The following SLC39A14 variants were observed in gnomAD, a reference collection of about 807,000 sequenced individuals.
SLC39A14 encodes metal cation symporter ZIP14.
A neutral mutation model predicts 45.5 loss-of-function variants in SLC39A14; 19 were observed. The ratio of observed to expected loss-of-function variants is 0.42; its 90% CI spans 0.29 to 0.61. SLC39A14 has a LOEUF of 0.61. Ranked by LOEUF, SLC39A14 falls within the 20% of genes least tolerant of loss-of-function variation. SLC39A14 has a pLI of 0.22. For synonymous variants in SLC39A14, 264 were observed against 251.3 expected, an observed-to-expected ratio of 1.05 and a Z score of -0.48; for missense variants, 447 against 616.5, an observed-to-expected ratio of 0.73 and a Z score of 2.91.
intron 3 of SLC39A14, 89 bp from the exon 4 acceptor site, chr8:22,411,948 T>TC: frequency 7.9e-7 from 1 of 1,272,552 alleles, no homozygotes; most frequent in South Asian, 1.5e-5. Context: ...TGCTCCACCT[T>TC]CCTCCCGCTA....
chr8:22,378,094 C>A (rs1445798241), intron 1 of SLC39A14, among the ~76,000 whole-genome samples: 1 of 152,208 alleles, frequency 6.6e-6, no homozygotes, highest in African/African-American at 2.4e-5. Flanking sequence ...CATTTCCATA[C>A]CACCTGCTCT....
chr8:22,381,481 A>C (rs1367894740), intron 1 of SLC39A14, among the ~76,000 whole-genome samples: 3 of 151,292 alleles, frequency 2.0e-5, no homozygotes, highest in Admixed American at 2.0e-4. Flanking sequence ...CGAGTTAGAC[A>C]GGATGGTCTC....
chr8:22,406,329 A>G (rs1208928657), intron 2 of SLC39A14, among the ~76,000 whole-genome samples: 1 of 149,010 alleles, frequency 6.7e-6, no homozygotes, highest in Non-Finnish European at 1.5e-5. Context: ...GGTGCCTCTA[A>G]TCCCAGCTAC....
chr8:22,378,605 A>G (rs1833336474), intron 1 of SLC39A14, among the ~76,000 whole-genome samples: 1 of 152,180 alleles, frequency 6.6e-6, no homozygotes, highest in Admixed American at 6.5e-5. Flanking sequence ...AGTCCTGCTC[A>G]TGCTTCAGCT....
intron 1 of SLC39A14, chr8:22,390,414 T>G (rs1834005227): frequency 6.6e-6 from 1 of 151,920 alleles, no homozygotes. Flanking sequence ...CAAGTGAATC[T>G]CCTGCCTCAG....
intron 1 of SLC39A14, among the ~76,000 whole-genome samples, chr8:22,389,567 C>A (rs1468980039): frequency 6.6e-6 from 1 of 152,068 alleles, no homozygotes; most frequent in Non-Finnish European, 1.5e-5. Context: ...CCAAGCATGC[C>A]TCGCTACTGC....
chr8:22,379,322 C>G (rs907604422), intron 1 of SLC39A14: 1 of 152,196 alleles, frequency 6.6e-6, no homozygotes, highest in Admixed American at 6.5e-5. Context: ...CAGTTATTTG[C>G]GGGGATAGTA....
Position 22,422,590 on chromosome 8 carries a change from G to A in SLC39A14, c.*2892G>A. The stretch of plus-strand genomic sequence containing the variant: ...ATTTTTTTAAATAACTCAGGTGTAT[G>A]AGAAGAAATTAGAAAAGAAAATTAA... On this transcript the variant is annotated 3_prime_UTR_variant, in exon 9 of 9. Coordinates refer to ENST00000381237, the MANE Select transcript of SLC39A14 (RefSeq NM_001128431.4). 1 of 984,348 alleles carries A rather than the reference G, an allele frequency of 1.0e-6. No individual in the cohort carries two copies. Among genetic ancestry groups the A allele is most frequent in the Non-Finnish European group, 1.2e-6 (1 of 828,638 alleles). 61.0% of individuals were successfully genotyped at this position (984,348 alleles called of 1,614,324 possible).
exon 9 of SLC39A14, chr8:22,433,986 A>G (rs950566635): frequency 2.4e-6 from 1 of 412,990 alleles, no homozygotes; most frequent in Middle Eastern, 3.4e-4. Context: ...TATCCTGTCT[A>G]AGCCTCCCGA....
chr8:22,412,591 G>A (rs931006823), intron 4 of SLC39A14, among the ~76,000 whole-genome samples: 2 of 152,162 alleles, frequency 1.3e-5, no homozygotes, highest in Non-Finnish European at 1.5e-5. Flanking sequence ...GCAGTGTAGC[G>A]AGCTCACTCT....
In SLC39A14 at chr8:22,416,133, G is replaced by A. The variant is rs370774147; in HGVS notation, c.1000G>A (p.Gly334Ser). Reference protein sequence around the residue: ...WLKGVRYSDIGTLAWMITLSD... With the variant: ...WLKGVRYSDISTLAWMITLSD... Reference sequence around the variant, plus strand: ...GAAAGGTGTCCGCTACTCTGATATCGGCACTCTGGCCTGGATGATCACTCT... The same window carrying A: ...GAAAGGTGTCCGCTACTCTGATATCAGCACTCTGGCCTGGATGATCACTCT... The change falls in exon 7 of 9, where the codon GGC (glycine) becomes AGC (serine). Residue 334 changes from glycine (G) to serine (S), a missense_variant. Transcript: ENST00000381237. 21 of 1,613,880 alleles carry A rather than the reference G, an allele frequency of 1.3e-5. No individual in the cohort carries two copies. The highest frequency in any genetic ancestry group is 1.6e-4 in the Middle Eastern group (1 of 6,084).
downstream of SLC39A14, among the ~76,000 whole-genome samples, chr8:22,424,717 T>G (rs1836353343): frequency 6.6e-5 from 10 of 152,150 alleles, no homozygotes; most frequent in South Asian, 2.1e-3. Flanking sequence ...ACTGGCCATA[T>G]GGAAAGAATG....
chr8:22,428,507 A>C (rs1410691330), intron 8 of SLC39A14, among the ~76,000 whole-genome samples: 1 of 139,292 alleles, frequency 7.2e-6, no homozygotes, highest in African/African-American at 2.7e-5. Context: ...CCGTGGTACG[A>C]TCTCAGCTCA....
chr8:22,372,322 A>C lies in SLC39A14; in HGVS notation c.-16+4914A>C, dbSNP rs190956609. On this transcript the variant is annotated intron_variant, in intron 1 of 8. Coordinates refer to ENST00000381237, the MANE Select transcript of SLC39A14 (RefSeq NM_001128431.4). ...CCCCCAGCTTTTCAATAAATGCTCC[A>C]AGGTAGCATTTTAAACATCATTCAG... Among the ~76,000 whole-genome samples the C allele has an allele frequency of 1.7e-4, 26 of 152,318 alleles. 1 individual carries two copies. The East Asian group carries it at 4.0e-3, about 24-fold the overall frequency.
chr8:22,413,238 A>G (rs549067971), intron 4 of SLC39A14, among the ~76,000 whole-genome samples: 17 of 152,298 alleles, frequency 1.1e-4, no homozygotes, highest in South Asian at 8.3e-4. Flanking sequence ...AGATGACTGC[A>G]TGCGCCTCTT....
chr8:22,406,677 C>T (rs1019954444), intron 2 of SLC39A14, among the ~76,000 whole-genome samples: 5 of 152,088 alleles, frequency 3.3e-5, no homozygotes, highest in South Asian at 2.1e-4. Flanking sequence ...GGCGACAGAG[C>T]GAGACTCCAT....
At position 22,412,019 on chromosome 8, in the gene SLC39A14, C is replaced by T; in HGVS notation, c.458-18C>T. 3.2e-6 allele frequency: 5 copies of T among 1,546,216 alleles called. No individual in the cohort carries two copies. The highest frequency in any genetic ancestry group is 4.4e-6 in the Non-Finnish European group (5 of 1,145,076). On this transcript the variant is annotated intron_variant, in intron 3 of 8. Transcript: ENST00000381237. ...TCTCCCTGCCCTGGGTGGGGCTGGCCCTCCCTCCGCACGGCAGTGTGGGGA... is the reference window on the plus strand; with the variant it reads ...TCTCCCTGCCCTGGGTGGGGCTGGCTCTCCCTCCGCACGGCAGTGTGGGGA...
In SLC39A14 at chr8:22,367,950, A is replaced by G. The variant is rs1421911476; in HGVS notation, c.-16+542A>G. Among the ~76,000 whole-genome samples the G allele has an allele frequency of 1.3e-5, 2 of 151,952 alleles. No individual in the cohort carries two copies. The highest frequency in any genetic ancestry group is 4.8e-5 in the African/African-American group (2 of 41,394). Reference sequence around the variant, plus strand: ...ATTTTTGGTCCTTAATGACCAAGTTAGGTGGTCGGGTTCAGGCTGCCCCCT... The same window carrying G: ...ATTTTTGGTCCTTAATGACCAAGTTGGGTGGTCGGGTTCAGGCTGCCCCCT... On this transcript the variant is annotated intron_variant, in intron 1 of 8. Transcript: ENST00000381237. The surrounding 1 kb of genome is among the most constrained non-coding windows in gnomAD (Gnocchi z 4.2).
intron 1 of SLC39A14, among the ~76,000 whole-genome samples, chr8:22,378,897 T>C (rs1327455423): frequency 1.3e-5 from 2 of 152,352 alleles, no homozygotes; most frequent in South Asian, 2.1e-4. Context: ...TGTGGATCTG[T>C]GTCCCATGGT....
Sources: gnomAD v4.1 joint callset for allele counts (sites outside exome capture counted in the v4.1 genomes callset) on GRCh38, gnomAD v4.1.1 for gene constraint, Gnocchi (gnomAD v3.1) non-coding constraint, MANE v1.5 for transcripts, NCBI Gene and HGNC (gene_info 2026-07-23, HGNC 2026-07-21) for gene names.